The following NRG1 variants were observed in gnomAD, a reference collection of about 807,000 sequenced individuals.
The protein encoded by NRG1 is neuregulin 1.
Under a neutral mutation model 63.8 loss-of-function variants are expected in NRG1, and 18 were observed. The observed-to-expected ratio is 0.28, with a 90% CI of 0.19 to 0.42. The LOEUF (loss-of-function observed/expected upper bound fraction) is 0.42, where lower values mean the gene tolerates loss of function less well. Among genes scored for constraint, NRG1 ranks in the 10% least tolerant of loss-of-function variants. The probability of loss-of-function intolerance (pLI) is 1.00; values close to 1 mark genes in which losing one functional copy is unlikely to be tolerated. For synonymous variants in NRG1, 302 were observed against 301.3 expected (o/e 1.00, Z -0.02); for missense variants, 762 against 814.7 (o/e 0.94, Z 0.79).
intron 5 of NRG1, among the ~76,000 whole-genome samples, chr8:32,691,143 T>C (rs57896035): frequency 0.019 from 2,917 of 152,172 alleles, 105 homozygotes; most frequent in African/African-American, 0.067. Flanking sequence ...GGACAGATCA[T>C]GAGGTCAGGA....
intron 1 of NRG1, among the ~76,000 whole-genome samples, chr8:32,474,746 T>C (rs1824289498): frequency 6.6e-6 from 1 of 152,154 alleles, no homozygotes; most frequent in African/African-American, 2.4e-5. Flanking sequence ...CCTTGTGATC[T>C]GCCCACCTCG....
chr8:32,538,499 T>C (rs1195317820), intron 1 of NRG1, among the ~76,000 whole-genome samples: 1 of 152,206 alleles, frequency 6.6e-6, no homozygotes, highest in Non-Finnish European at 1.5e-5. Context: ...TGAATGTGAA[T>C]TTAGGGACAT....
chr8:32,364,522 A>G (rs1807683458), intron 1 of NRG1, among the ~76,000 whole-genome samples: 1 of 152,196 alleles, frequency 6.6e-6, no homozygotes, highest in Admixed American at 6.5e-5. Context: ...GATTTTTAAT[A>G]GCTGCATAGT....
chr8:32,525,388 AGG>A (rs201620757), intron 1 of NRG1, among the ~76,000 whole-genome samples: 31 of 114,142 alleles, frequency 2.7e-4, no homozygotes, highest in African/African-American at 1.0e-3. Context: ...AGCATGAGGT[AGG>A]GGTGTGTGTG....
At chr8:32,361,974 G>A (rs7817375) in intron 1 of NRG1, among the ~76,000 whole-genome samples, 8,568 of 152,190 alleles carry the variant, frequency 0.056, 317 homozygotes, top group Middle Eastern at 0.099. Flanking sequence ...TCACAAAGCT[G>A]ACTCCCATGA....
intron 1 of NRG1, among the ~76,000 whole-genome samples, chr8:32,502,851 A>G (rs1828027760): frequency 6.6e-6 from 1 of 152,198 alleles, no homozygotes; most frequent in Non-Finnish European, 1.5e-5. Flanking sequence ...ACATACATGC[A>G]TTCTGTGCTA....
intron 1 of NRG1, among the ~76,000 whole-genome samples, chr8:31,836,440 C>A (rs1681619774): frequency 6.6e-6 from 1 of 152,068 alleles, no homozygotes; most frequent in South Asian, 2.1e-4. Flanking sequence ...ATTGATTCCC[C>A]TCTCCAAAGG....
At chr8:32,194,132 C>T (rs189131615) in intron 1 of NRG1, among the ~76,000 whole-genome samples, 1 of 152,266 alleles carries the variant, frequency 6.6e-6, no homozygotes, top group African/African-American at 2.4e-5. Context: ...TCCGTTTCCT[C>T]ATCCCTAAAA....
chr8:31,993,816 C>G (rs191796656), intron 1 of NRG1, among the ~76,000 whole-genome samples: 1 of 152,116 alleles, frequency 6.6e-6, no homozygotes, highest in Non-Finnish European at 1.5e-5. Context: ...TTTGCTCACC[C>G]ATGCAATTGC....
chr8:32,225,421 T>C (rs1016540687), intron 1 of NRG1, among the ~76,000 whole-genome samples: 15 of 152,142 alleles, frequency 9.9e-5, no homozygotes, highest in Non-Finnish European at 2.2e-4. Context: ...CTGCTACCCC[T>C]ATGCTGCCTA....
At chr8:32,071,177 G>A (rs1217793655) in intron 1 of NRG1, among the ~76,000 whole-genome samples, 2 of 152,108 alleles carry the variant, frequency 1.3e-5, no homozygotes, top group East Asian at 3.9e-4. Context: ...TTGCGCATTG[G>A]CCACCACAAA....
intron 1 of NRG1, among the ~76,000 whole-genome samples, chr8:31,814,874 T>TGGTGCCCCCCTGCAAGC (rs1342938728): frequency 1.3e-5 from 2 of 151,932 alleles, no homozygotes; most frequent in Non-Finnish European, 2.9e-5. Flanking sequence ...CCCATACAAA[T>TGGTGCCCCCCTGCAAGC]GGTGCCCCCC....
chr8:32,199,026 GT>G (rs1404376047), intron 1 of NRG1, among the ~76,000 whole-genome samples: 2 of 152,150 alleles, frequency 1.3e-5, no homozygotes, highest in East Asian at 3.9e-4. Flanking sequence ...GCAGAGCCAA[GT>G]AGTAGACTAT....
At chr8:31,647,576 T>C (rs1804411089) in intron 1 of NRG1, among the ~76,000 whole-genome samples, 1 of 152,180 alleles carries the variant, frequency 6.6e-6, no homozygotes, top group Non-Finnish European at 1.5e-5. Context: ...ACATAGAATT[T>C]CTCATTAGCC....
chr8:32,709,899 A>G (rs749994952), intron 5 of NRG1, among the ~76,000 whole-genome samples: 1 of 152,160 alleles, frequency 6.6e-6, no homozygotes, highest in Non-Finnish European at 1.5e-5. Context: ...CACATTTTAC[A>G]TTGTTCTTCC....
chr8:32,337,759 A>C (rs1447772701), intron 1 of NRG1, among the ~76,000 whole-genome samples: 1 of 150,112 alleles, frequency 6.7e-6, no homozygotes, highest in African/African-American at 2.4e-5. Context: ...GCTAAAGGCC[A>C]AGCCTGCATA....
chr8:32,183,924 A>G (rs555871079), intron 1 of NRG1, among the ~76,000 whole-genome samples: 1 of 152,184 alleles, frequency 6.6e-6, no homozygotes, highest in African/African-American at 2.4e-5. Flanking sequence ...GGCATTCACA[A>G]TTATTTCCTT....
intron 1 of NRG1, among the ~76,000 whole-genome samples, chr8:32,167,273 G>A (rs1417088754): frequency 5.3e-5 from 8 of 152,122 alleles, no homozygotes; most frequent in Non-Finnish European, 1.0e-4. Context: ...AGAAAGTTTT[G>A]GTTAGGAAGC....
intron 1 of NRG1, among the ~76,000 whole-genome samples, chr8:32,357,199 G>A (rs75918952): frequency 0.056 from 8,565 of 152,160 alleles, 316 homozygotes; most frequent in Middle Eastern, 0.099. Flanking sequence ...GCCACAGGAT[G>A]GAAATTGTAT....
Sources: gnomAD v4.1 joint callset for allele counts (sites outside exome capture counted in the v4.1 genomes callset) on GRCh38, gnomAD v4.1.1 for gene constraint, MANE v1.5 for transcripts, NCBI Gene and HGNC (gene_info 2026-07-23, HGNC 2026-07-21) for gene names.